Variants in RCAN2 observed in about 807,000 individuals in gnomAD.
RCAN2 encodes the protein calcipressin-2.
In RCAN2, 9 loss-of-function variants were observed where a neutral mutation model predicts 23.6. That is an observed-to-expected ratio of 0.38 (90% CI 0.23 to 0.67). The LOEUF (loss-of-function observed/expected upper bound fraction) is 0.67, where lower values mean the gene tolerates loss of function less well. Among genes scored for constraint, RCAN2 ranks in the 30% least tolerant of loss-of-function variants. RCAN2 has a pLI of 0.51. For synonymous variants in RCAN2, 109 were observed against 115.7 expected (o/e 0.94, Z 0.37); for missense variants, 273 against 302.3 (o/e 0.90, Z 0.72).
At chr6:46,305,530 A>G (rs1236049349) in intron 2 of RCAN2, among the ~76,000 whole-genome samples, 1 of 151,946 alleles carries the variant, frequency 6.6e-6, no homozygotes, top group Non-Finnish European at 1.5e-5. Context: ...AGATGCCACT[A>G]AATAAGACTT....
intron 2 of RCAN2, among the ~76,000 whole-genome samples, chr6:46,323,420 T>C (rs1385993422): frequency 6.6e-6 from 1 of 151,240 alleles, no homozygotes; most frequent in African/African-American, 2.4e-5. Context: ...AAGCCCATGA[T>C]GATTCAGAGC....
chr6:46,462,882 A>T lies in RCAN2; in HGVS notation c.-2-5904T>A, dbSNP rs572738944. Among the ~76,000 whole-genome samples, 4 of 152,350 alleles carry T rather than the reference A, an allele frequency of 2.6e-5. No homozygotes were observed. In the South Asian group the frequency reaches 8.3e-4, roughly 32 times the overall value. On this transcript the variant is annotated intron_variant, in intron 1 of 4. Coordinates refer to ENST00000371374, the MANE Select transcript of RCAN2 (RefSeq NM_001251974.2). Reference sequence around the variant, plus strand: ...ATTCACTTTTCTAGGAATTGGGTATAACTCATGAGAGCAGGGAGCCATGCA... The same window carrying T: ...ATTCACTTTTCTAGGAATTGGGTATTACTCATGAGAGCAGGGAGCCATGCA...
chr6:46,347,409 A>G (rs1764520906), intron 2 of RCAN2, among the ~76,000 whole-genome samples: 1 of 152,164 alleles, frequency 6.6e-6, no homozygotes, highest in South Asian at 2.1e-4. Context: ...CATGCCCTTT[A>G]CATTAGGACA....
At chr6:46,491,022 C>CCCACCCCCGCCA in intron 1 of RCAN2, among the ~76,000 whole-genome samples, 151 bp downstream of exon 1, 1 of 55,218 alleles carries the variant, frequency 1.8e-5, no homozygotes, top group Non-Finnish European at 8.3e-5. Flanking sequence ...CGCCACCGCC[C>CCCACCCCCGCCA]CCGCCCCCGC....
chr6:46,434,187 T>A (rs1767298907), intron 2 of RCAN2, among the ~76,000 whole-genome samples: 1 of 152,244 alleles, frequency 6.6e-6, no homozygotes, highest in South Asian at 2.1e-4. Flanking sequence ...CCTAGGATAC[T>A]GAATATTACC....
intron 2 of RCAN2, among the ~76,000 whole-genome samples, chr6:46,370,537 C>T (rs760151518): frequency 3.3e-5 from 5 of 152,162 alleles, no homozygotes; most frequent in Non-Finnish European, 5.9e-5. Context: ...TTTGCATTTC[C>T]GTGTGACTTC....
At position 46,222,914 on chromosome 6, in the gene RCAN2, C is replaced by CT; in HGVS notation, c.*226dup. The CT allele has an allele frequency of 3.8e-6, 2 of 521,022 alleles. No homozygotes were observed. The allele number at this position is 521,022 out of a possible 1,614,324, so 32.3% of individuals were successfully genotyped here. On this transcript the variant is annotated 3_prime_UTR_variant, in exon 5 of 5. Transcript: ENST00000371374. The stretch of plus-strand genomic sequence containing the variant: ...CTGATTGTTTAATAAGAAAATACTA[C>CT]TTTTTTCCCTAGAACCTTCTAAATA...
intron 2 of RCAN2, among the ~76,000 whole-genome samples, chr6:46,326,100 C>G (rs371016117): frequency 6.6e-6 from 1 of 152,142 alleles, no homozygotes; most frequent in Non-Finnish European, 1.5e-5. Context: ...CCTAATGCAT[C>G]CCGGGCATGG....
At chr6:46,484,709 T>C (rs1043576813) in intron 1 of RCAN2, among the ~76,000 whole-genome samples, 8 of 152,234 alleles carry the variant, frequency 5.3e-5, no homozygotes, top group Admixed American at 6.5e-5. Flanking sequence ...GCCAGGCCAC[T>C]GATAACGGAA....
intron 2 of RCAN2, among the ~76,000 whole-genome samples, chr6:46,452,431 T>A (rs1767907356): frequency 6.6e-6 from 1 of 152,238 alleles, no homozygotes; most frequent in Admixed American, 6.5e-5. Context: ...TAGCTAGGAT[T>A]CTATCCTACA....
At chr6:46,348,381 C>T (rs754123839) in intron 2 of RCAN2, among the ~76,000 whole-genome samples, 1 of 152,180 alleles carries the variant, frequency 6.6e-6, no homozygotes, top group Non-Finnish European at 1.5e-5. Flanking sequence ...AGCCGTCCGT[C>T]TGTGGTACTG....
chr6:46,490,593 C>A (rs1031077232), intron 1 of RCAN2, among the ~76,000 whole-genome samples: 2 of 152,100 alleles, frequency 1.3e-5, no homozygotes, highest in African/African-American at 4.8e-5. Flanking sequence ...CGGCACACTG[C>A]GCTCCGCTCC....
chr6:46,307,418 G>T (rs1045037998), intron 2 of RCAN2, among the ~76,000 whole-genome samples: 1 of 152,250 alleles, frequency 6.6e-6, no homozygotes, highest in Non-Finnish European at 1.5e-5. Flanking sequence ...GTGAGTGTAT[G>T]TAGCTGAAGA....
At chr6:46,303,995 G>A (rs556583334) in intron 2 of RCAN2, among the ~76,000 whole-genome samples, 20 of 152,220 alleles carry the variant, frequency 1.3e-4, no homozygotes, top group African/African-American at 4.8e-4. Context: ...AGTAGATATA[G>A]ATTTAGGCCT....
intron 1 of RCAN2, among the ~76,000 whole-genome samples, chr6:46,470,442 T>C (rs1376062392): frequency 1.3e-5 from 2 of 152,250 alleles, no homozygotes; most frequent in Non-Finnish European, 2.9e-5. Flanking sequence ...TAAAACCTAG[T>C]TCAGTACCAG....
upstream of RCAN2, chr6:46,491,457 G>A (rs992565824): frequency 2.3e-4 from 35 of 152,270 alleles, no homozygotes; most frequent in African/African-American, 8.4e-4. Context: ...TCCAGGGAGG[G>A]GCTGAGCCGG....
intron 1 of RCAN2, among the ~76,000 whole-genome samples, chr6:46,485,453 TTCTC>T (rs1194437136): frequency 6.6e-6 from 1 of 152,228 alleles, no homozygotes; most frequent in Non-Finnish European, 1.5e-5. Flanking sequence ...GTTATTTTAA[TTCTC>T]TCTTTTTATA....
intron 2 of RCAN2, among the ~76,000 whole-genome samples, chr6:46,430,606 C>T (rs1767168604): frequency 6.6e-6 from 1 of 152,182 alleles, no homozygotes; most frequent in African/African-American, 2.4e-5. Flanking sequence ...ATTCAATCCT[C>T]CTAGTCCTCC....
chr6:46,458,914 G>A (rs1485629746), intron 1 of RCAN2, among the ~76,000 whole-genome samples: 1 of 151,808 alleles, frequency 6.6e-6, no homozygotes, highest in African/African-American at 2.4e-5. Flanking sequence ...TGTGTGTGAT[G>A]GAGTTTTGCT....
Sources: allele counts gnomAD v4.1 joint callset (sites outside exome capture counted in the v4.1 genomes callset), GRCh38; gene constraint gnomAD v4.1.1; transcripts MANE v1.5; gene names NCBI Gene and HGNC (gene_info 2026-07-23, HGNC 2026-07-21).